The following GALNT13 variants were observed in gnomAD, a reference collection of about 807,000 sequenced individuals.
GALNT13 encodes the protein polypeptide N-acetylgalactosaminyltransferase 13, also known as UDP-GalNAc:polypeptide N-acetylgalactosaminyltransferase 13.
Under a neutral mutation model 64.2 loss-of-function variants are expected in GALNT13, and 28 were observed. The ratio of observed to expected loss-of-function variants is 0.44; its 90% CI spans 0.32 to 0.60. The LOEUF is 0.60. GALNT13 is among the 20% of genes least tolerant of loss of function. The probability of loss-of-function intolerance (pLI) is 0.05; values close to 1 mark genes in which losing one functional copy is unlikely to be tolerated. For missense variants in GALNT13, 577 were observed against 669.8 expected (o/e 0.86, Z 1.53); for synonymous variants, 214 against 224.6 (o/e 0.95, Z 0.42).
the GALNT13 span, among the ~76,000 whole-genome samples, chr2:153,548,718 A>C: frequency 4.5e-4 from 68 of 152,222 alleles, no homozygotes; most frequent in African/African-American, 1.6e-3. Flanking sequence ...AGACATGCAC[A>C]TCATGAGAAA....
chr2:153,425,395 A>C, the GALNT13 span, among the ~76,000 whole-genome samples: 1 of 151,742 alleles, frequency 6.6e-6, no homozygotes, highest in South Asian at 2.1e-4. Context: ...GGATCACTGA[A>C]AACTACATAT....
At chr2:153,412,477 A>C in the GALNT13 span, among the ~76,000 whole-genome samples, 1 of 152,224 alleles carries the variant, frequency 6.6e-6, no homozygotes, top group Non-Finnish European at 1.5e-5. Context: ...AAGAAGCAGC[A>C]GCTCATCTCA....
chr2:154,051,384 G>A (rs10180472), intron 3 of GALNT13, among the ~76,000 whole-genome samples: 48,578 of 144,486 alleles, frequency 0.34, 8,469 homozygotes, highest in Middle Eastern at 0.55. Context: ...TCCGCTTCCC[G>A]GGTTCACGCC....
At chr2:154,181,255 A>T (rs1373287676) in intron 4 of GALNT13, among the ~76,000 whole-genome samples, 3 of 152,204 alleles carry the variant, frequency 2.0e-5, no homozygotes, top group Non-Finnish European at 4.4e-5. Flanking sequence ...ACTTCGGGGA[A>T]CAGATTTTAG....
chr2:153,266,707 C>A, the GALNT13 span, among the ~76,000 whole-genome samples: 772 of 152,218 alleles, frequency 5.1e-3, 6 homozygotes, highest in Non-Finnish European at 4.9e-3. Context: ...GAACTAGGTC[C>A]CTCCCTTGAC....
chr2:153,608,860 TATATA>T, the GALNT13 span, among the ~76,000 whole-genome samples: 33 of 147,836 alleles, frequency 2.2e-4, no homozygotes, highest in East Asian at 5.3e-3. Context: ...TTATATAATT[TATATA>T]ATATAAGAGA....
At chr2:154,081,981 C>G (rs1202771141) in intron 3 of GALNT13, among the ~76,000 whole-genome samples, 1 of 151,652 alleles carries the variant, frequency 6.6e-6, no homozygotes, top group African/African-American at 2.4e-5. Flanking sequence ...AATAGCATAG[C>G]TTTCTAGTTC....
At chr2:154,082,425 G>A (rs974938207) in intron 3 of GALNT13, among the ~76,000 whole-genome samples, 3 of 151,584 alleles carry the variant, frequency 2.0e-5, no homozygotes, top group African/African-American at 4.8e-5. Flanking sequence ...GCACATAAAC[G>A]TGCCTAAAAT....
chr2:153,104,859 A>G, the GALNT13 span, among the ~76,000 whole-genome samples: 1 of 152,026 alleles, frequency 6.6e-6, no homozygotes, highest in African/African-American at 2.4e-5. Context: ...TCATTTTACC[A>G]CTTTAAACTG....
chr2:153,962,580 G>C (rs1197153795), intron 3 of GALNT13, among the ~76,000 whole-genome samples: 1 of 152,198 alleles, frequency 6.6e-6, no homozygotes, highest in African/African-American at 2.4e-5. Flanking sequence ...TTACATTGTA[G>C]AACAGAACTC....
At chr2:153,478,812 AG>A in the GALNT13 span, 13 of 446,200 alleles carry the variant, frequency 2.9e-5, no homozygotes, top group Admixed American at 1.3e-4. Context: ...CGCTCGCTCG[AG>A]GGGGGGCTGT....
At chr2:154,164,635 A>G (rs1031328024) in intron 4 of GALNT13, among the ~76,000 whole-genome samples, 2 of 152,128 alleles carry the variant, frequency 1.3e-5, no homozygotes, top group African/African-American at 4.8e-5. Context: ...GGTTTTTTCA[A>G]TTATCTACTC....
At chr2:154,200,561 G>A (rs1233906921) in intron 4 of GALNT13, among the ~76,000 whole-genome samples, 1 of 152,142 alleles carries the variant, frequency 6.6e-6, no homozygotes, top group African/African-American at 2.4e-5. Flanking sequence ...GTCTTGTGAA[G>A]GTCCTGGTCT....
chr2:153,690,361 A>C, the GALNT13 span, among the ~76,000 whole-genome samples: 1 of 152,132 alleles, frequency 6.6e-6, no homozygotes, highest in African/African-American at 2.4e-5. Context: ...AACTGTCTTC[A>C]TGCTGGTATT....
chr2:154,019,643 CACACACACACAA>C lies in GALNT13; in HGVS notation c.142+75006_142+75017del, dbSNP rs1444855646. 1.7e-4 allele frequency among the ~76,000 whole-genome samples: 25 copies of C among 149,096 alleles called. No homozygotes were observed. In the East Asian group the frequency reaches 3.4e-3, roughly 20 times the overall value. ...ACACACACACACACACACACACACA[CACACACACACAA>C]AAGCAAGAAAAATGCACATGTTTAA... On this transcript the variant is annotated intron_variant, in intron 3 of 12. Coordinates refer to ENST00000392825, the MANE Select transcript of GALNT13 (RefSeq NM_052917.4).
At chr2:153,990,473 T>G (rs1695089339) in intron 3 of GALNT13, among the ~76,000 whole-genome samples, 1 of 152,150 alleles carries the variant, frequency 6.6e-6, no homozygotes, top group Non-Finnish European at 1.5e-5. Flanking sequence ...ATATGCACTT[T>G]CAGTTTTTTA....
At chr2:153,106,354 G>A in the GALNT13 span, among the ~76,000 whole-genome samples, 28 of 151,996 alleles carry the variant, frequency 1.8e-4, no homozygotes, top group South Asian at 8.3e-4. Flanking sequence ...AACTTAACCC[G>A]TCTGAACTCC....
chr2:153,806,626 T>C, the GALNT13 span, among the ~76,000 whole-genome samples: 1 of 150,258 alleles, frequency 6.7e-6, no homozygotes. Context: ...TATCATGATG[T>C]CAAAGGGGTT....
At chr2:153,764,330 A>G in the GALNT13 span, among the ~76,000 whole-genome samples, 3 of 152,188 alleles carry the variant, frequency 2.0e-5, no homozygotes, top group South Asian at 4.1e-4. Flanking sequence ...TGAGATTAGG[A>G]GTTCAAGACT....
Sources: allele counts gnomAD v4.1 joint callset (sites outside exome capture counted in the v4.1 genomes callset), GRCh38; gene constraint gnomAD v4.1.1; transcripts MANE v1.5; gene names NCBI Gene and HGNC (gene_info 2026-07-23, HGNC 2026-07-21).